SLC28A3: variants seen among roughly 807,000 people sequenced by gnomAD.
The protein encoded by SLC28A3 is solute carrier family 28 member 3.
In SLC28A3, 68 loss-of-function variants were observed where a neutral mutation model predicts 84.2. The ratio of observed to expected loss-of-function variants is 0.81; its 90% CI spans 0.66 to 0.99. SLC28A3 has a LOEUF of 0.99. SLC28A3 is among the 50% of genes least tolerant of loss of function. The pLI, the probability that SLC28A3 is intolerant of heterozygous loss-of-function variation, is 0.00. For missense variants in SLC28A3, 712 were observed against 841.5 expected, an observed-to-expected ratio of 0.85 and a Z score of 1.90; for synonymous variants, 267 against 303.6, an observed-to-expected ratio of 0.88 and a Z score of 1.25.
intron 1 of SLC28A3, among the ~76,000 whole-genome samples, chr9:84,329,687 T>C (rs1262366541): frequency 6.6e-6 from 1 of 151,298 alleles, no homozygotes; most frequent in Non-Finnish European, 1.5e-5. Context: ...AAAAAGAGAA[T>C]TAATAAAAAT....
chr9:84,310,678 A>G (rs1015090646), intron 2 of SLC28A3: 1 of 798,728 alleles, frequency 1.3e-6, no homozygotes, highest in African/African-American at 1.9e-5. Context: ...GCCAAACTCC[A>G]TTGTTCTTCT....
intron 12 of SLC28A3, among the ~76,000 whole-genome samples, chr9:84,286,769 T>G (rs889837552): frequency 6.6e-6 from 1 of 151,934 alleles, no homozygotes; most frequent in Non-Finnish European, 1.5e-5. Context: ...AAAAATGGAG[T>G]GCCACCATCA....
upstream of SLC28A3, among the ~76,000 whole-genome samples, chr9:84,344,487 C>T (rs1265111029): frequency 1.3e-5 from 2 of 152,124 alleles, no homozygotes; most frequent in African/African-American, 2.4e-5. Context: ...CCGCACCCGG[C>T]CCAGATGGGT....
the SLC28A3 span, among the ~76,000 whole-genome samples, chr9:84,366,195 C>T: frequency 6.6e-6 from 1 of 152,086 alleles, no homozygotes; most frequent in African/African-American, 2.4e-5. Flanking sequence ...ATGCATTCTT[C>T]AATATGCCAG....
intron 3 of SLC28A3, among the ~76,000 whole-genome samples, chr9:84,307,116 T>C (rs1476699759): frequency 7.8e-6 from 1 of 128,086 alleles, no homozygotes; most frequent in African/African-American, 3.1e-5. Context: ...ATTGTGTCAC[T>C]GCACCCCGTC....
At chr9:84,322,356 G>A (rs1381523930) in intron 1 of SLC28A3, among the ~76,000 whole-genome samples, 1 of 152,192 alleles carries the variant, frequency 6.6e-6, no homozygotes, top group African/African-American at 2.4e-5. Context: ...TCAAAGTCAT[G>A]TTTTGCTTCT....
chr9:84,328,496 C>T (rs183097134), intron 1 of SLC28A3, among the ~76,000 whole-genome samples: 19 of 151,990 alleles, frequency 1.3e-4, no homozygotes, highest in East Asian at 9.7e-4. Flanking sequence ...TGGTGGCTCA[C>T]ACCTGTAATC....
intron 1 of SLC28A3, among the ~76,000 whole-genome samples, chr9:84,320,772 T>C (rs894180348): frequency 6.6e-6 from 1 of 151,802 alleles, no homozygotes; most frequent in African/African-American, 2.4e-5. Context: ...GGTGGAACAC[T>C]TGAGGTCAGG....
intron 1 of SLC28A3, among the ~76,000 whole-genome samples, chr9:84,331,742 A>C (rs935392258): frequency 6.6e-6 from 1 of 152,180 alleles, no homozygotes; most frequent in South Asian, 2.1e-4. Flanking sequence ...TTGGGATTCC[A>C]AGAGATGCCT....
chr9:84,282,059 T>C (rs531912572), intron 14 of SLC28A3, among the ~76,000 whole-genome samples: 2 of 152,324 alleles, frequency 1.3e-5, no homozygotes, highest in Admixed American at 1.3e-4. Flanking sequence ...GGAGAATCAC[T>C]TGAACCCGGG....
intron 4 of SLC28A3, among the ~76,000 whole-genome samples, 168 bp downstream of exon 4, chr9:84,305,086 C>G (rs970159414): frequency 6.6e-6 from 1 of 151,870 alleles, no homozygotes; most frequent in Non-Finnish European, 1.5e-5. Flanking sequence ...CATAGGCTTC[C>G]CCTATAAAGG....
At chr9:84,348,386 C>T in the SLC28A3 span, among the ~76,000 whole-genome samples, 12 of 149,966 alleles carry the variant, frequency 8.0e-5, no homozygotes, top group African/African-American at 3.0e-4. Flanking sequence ...AGGCTCTGAA[C>T]TTAGATTAGC....
the SLC28A3 span, among the ~76,000 whole-genome samples, chr9:84,351,626 C>T: frequency 6.6e-6 from 1 of 151,012 alleles, no homozygotes; most frequent in Non-Finnish European, 1.5e-5. Flanking sequence ...CACCACTGCA[C>T]TCCAGCCTGG....
chr9:84,300,458 G>T (rs962296375), intron 5 of SLC28A3, among the ~76,000 whole-genome samples: 2 of 152,206 alleles, frequency 1.3e-5, no homozygotes, highest in Non-Finnish European at 2.9e-5. Flanking sequence ...CCGAGAGGGA[G>T]ATCAGACGTT....
intron 1 of SLC28A3, among the ~76,000 whole-genome samples, chr9:84,335,997 G>A (rs771921737): frequency 5.9e-5 from 9 of 151,682 alleles, no homozygotes; most frequent in East Asian, 1.9e-4. Context: ...ACTTCCCAAC[G>A]GATGTCCCAG....
At chr9:84,335,004 C>CT (rs921352678) in intron 1 of SLC28A3, among the ~76,000 whole-genome samples, 1 of 32,472 alleles carries the variant, frequency 3.1e-5, no homozygotes, top group African/African-American at 1.1e-4. Flanking sequence ...TCTCTAACTT[C>CT]CCCACTCCTT....
chr9:84,321,334 T>C (rs952918960), intron 1 of SLC28A3, among the ~76,000 whole-genome samples: 1 of 152,116 alleles, frequency 6.6e-6, no homozygotes, highest in African/African-American at 2.4e-5. Flanking sequence ...AAGGTGATTA[T>C]AGATTGTTTT....
chr9:84,347,951 C>T, the SLC28A3 span, among the ~76,000 whole-genome samples: 525 of 152,120 alleles, frequency 3.5e-3, 2 homozygotes, highest in African/African-American at 0.011. Flanking sequence ...GTTTCTAGGG[C>T]GCACAAGTTT....
chr9:84,278,179 C>A lies in SLC28A3; in HGVS notation c.*39G>T. 6.3e-7 allele frequency: 1 copy of A among 1,585,006 alleles called. No homozygotes were observed. The highest frequency in any genetic ancestry group is 8.6e-7 in the Non-Finnish European group (1 of 1,164,168). ...TTTCTTTCCAAAGCAGAAAATTCAG[C>A]ATCTGTACTTCAGAGTTCCACTGGA... On this transcript the variant is annotated 3_prime_UTR_variant, in exon 18 of 18. Transcript: ENST00000376238.
Sources: allele counts gnomAD v4.1 joint callset (sites outside exome capture counted in the v4.1 genomes callset), GRCh38; gene constraint gnomAD v4.1.1; transcripts MANE v1.5; gene names NCBI Gene and HGNC (gene_info 2026-07-23, HGNC 2026-07-21).